Variants in SPON1 observed in about 807,000 individuals in gnomAD.
The protein encoded by SPON1 is spondin-1.
SPON1 carries 52 observed loss-of-function variants against 111.7 expected under a neutral mutation model. The ratio of observed to expected loss-of-function variants is 0.47; its 90% CI spans 0.37 to 0.59. The LOEUF (loss-of-function observed/expected upper bound fraction) is 0.59, where lower values mean the gene tolerates loss of function less well. Among genes scored for constraint, SPON1 ranks in the 20% least tolerant of loss-of-function variants. SPON1 has a pLI of 0.00. For missense variants in SPON1, 957 were observed against 1,068.5 expected (o/e 0.90, Z 1.46); for synonymous variants, 410 against 395.8 (o/e 1.04, Z -0.43).
At chr11:14,156,590 A>T (rs1383394064) in intron 6 of SPON1, among the ~76,000 whole-genome samples, 1 of 151,736 alleles carries the variant, frequency 6.6e-6, no homozygotes, top group Non-Finnish European at 1.5e-5. Context: ...CCTGAATGGT[A>T]TTGCCTAGGT....
intron 5 of SPON1, among the ~76,000 whole-genome samples, chr11:14,083,580 T>C (rs1046247654): frequency 6.6e-6 from 1 of 152,216 alleles, no homozygotes; most frequent in Middle Eastern, 3.2e-3. Flanking sequence ...TGTAACATCT[T>C]ACGTTGATCA....
chr11:14,176,763 AG>A (rs1848181606), intron 6 of SPON1, among the ~76,000 whole-genome samples: 1 of 152,178 alleles, frequency 6.6e-6, no homozygotes, highest in African/African-American at 2.4e-5. Context: ...CAAGAGAACT[AG>A]GCGACTGCTT....
At chr11:14,211,145 GA>G (rs1336253817) in intron 6 of SPON1, among the ~76,000 whole-genome samples, 4 of 152,090 alleles carry the variant, frequency 2.6e-5, no homozygotes, top group Admixed American at 2.0e-4. Flanking sequence ...TCAGGCAAGA[GA>G]AAGAAATAAA....
chr11:14,221,953 G>C (rs1554937645), intron 6 of SPON1, among the ~76,000 whole-genome samples: 1 of 152,122 alleles, frequency 6.6e-6, no homozygotes, highest in East Asian at 1.9e-4. Context: ...GTTGGCCCTG[G>C]GATCACTGTC....
At chr11:14,105,125 T>C (rs1341966662) in intron 5 of SPON1, among the ~76,000 whole-genome samples, 1 of 152,160 alleles carries the variant, frequency 6.6e-6, no homozygotes, top group Non-Finnish European at 1.5e-5. Context: ...ATTTTATTAA[T>C]GGTTACATTT....
At chr11:14,107,486 T>G (rs1849193800) in intron 5 of SPON1, among the ~76,000 whole-genome samples, 1 of 151,976 alleles carries the variant, frequency 6.6e-6, no homozygotes, top group Admixed American at 6.6e-5. Flanking sequence ...CTGAATTTTT[T>G]GGTAAACATT....
intron 3 of SPON1, among the ~76,000 whole-genome samples, chr11:14,051,000 C>A (rs1389619182): frequency 6.6e-6 from 1 of 152,154 alleles, no homozygotes; most frequent in African/African-American, 2.4e-5. Flanking sequence ...GCAGTGGGGG[C>A]AGAGATGGTC....
chr11:14,021,021 A>T (rs1211065293), intron 2 of SPON1, among the ~76,000 whole-genome samples: 1 of 152,202 alleles, frequency 6.6e-6, no homozygotes, highest in Non-Finnish European at 1.5e-5. Context: ...AAGATTGTTT[A>T]TAAGATGTTA....
intron 5 of SPON1, among the ~76,000 whole-genome samples, chr11:14,096,370 C>A (rs922080820): frequency 6.6e-6 from 1 of 152,198 alleles, no homozygotes; most frequent in Non-Finnish European, 1.5e-5. Context: ...CTTTTAGGTA[C>A]TTTGCACAGG....
intron 2 of SPON1, among the ~76,000 whole-genome samples, chr11:14,034,325 G>T (rs1848579178): frequency 1.3e-5 from 2 of 152,168 alleles, no homozygotes; most frequent in African/African-American, 4.8e-5. Context: ...ATCACAGATT[G>T]AAATGAATGA....
chr11:14,225,089 G>C (rs1848723004), intron 6 of SPON1, among the ~76,000 whole-genome samples: 1 of 152,112 alleles, frequency 6.6e-6, no homozygotes, highest in Admixed American at 6.5e-5. Flanking sequence ...CCTAAGCCAG[G>C]TCTGCTCACT....
intron 5 of SPON1, among the ~76,000 whole-genome samples, chr11:14,096,798 C>G (rs1564904524): frequency 6.6e-6 from 1 of 152,212 alleles, no homozygotes; most frequent in Non-Finnish European, 1.5e-5. Flanking sequence ...TCTTGCCCCA[C>G]TTGAGTATGC....
chr11:14,054,215 G>A (rs1170436041), intron 3 of SPON1, among the ~76,000 whole-genome samples: 1 of 152,180 alleles, frequency 6.6e-6, no homozygotes, highest in African/African-American at 2.4e-5. Context: ...CAGGAAAACA[G>A]AGGAGAAAAA....
intron 7 of SPON1, among the ~76,000 whole-genome samples, chr11:14,244,500 G>C (rs1407642448): frequency 6.7e-6 from 1 of 149,090 alleles, no homozygotes; most frequent in Non-Finnish European, 1.5e-5. Context: ...CCTGGTGACA[G>C]AGCAAGAATC....
At chr11:14,180,202 T>A (rs34064988) in intron 6 of SPON1, among the ~76,000 whole-genome samples, 6,812 of 152,290 alleles carry the variant, frequency 0.045, 240 homozygotes, top group Non-Finnish European at 0.068. Flanking sequence ...CAAACCAAGA[T>A]GAGTTAGTCA....
intron 6 of SPON1, among the ~76,000 whole-genome samples, chr11:14,160,620 T>C (rs1259403355): frequency 4.1e-5 from 1 of 24,176 alleles, no homozygotes; most frequent in Non-Finnish European, 7.3e-5. Flanking sequence ...TATATATTTA[T>C]ATATATATTT....
intron 1 of SPON1, among the ~76,000 whole-genome samples, chr11:13,967,953 C>A (rs553588985): frequency 6.6e-6 from 1 of 152,228 alleles, no homozygotes; most frequent in South Asian, 2.1e-4. Context: ...AAAAGCATAT[C>A]AAAATGGAAT....
At chr11:14,091,812 C>T (rs1482344037) in intron 5 of SPON1, among the ~76,000 whole-genome samples, 12 of 152,214 alleles carry the variant, frequency 7.9e-5, no homozygotes, top group East Asian at 3.9e-4. Flanking sequence ...CCTCAAATGC[C>T]GCCAAAGTAG....
chr11:13,963,766 C>A (rs1464241093), intron 1 of SPON1, among the ~76,000 whole-genome samples: 1 of 152,212 alleles, frequency 6.6e-6, no homozygotes, highest in African/African-American at 2.4e-5. Context: ...CCAAATTATT[C>A]TCTCGTGGTC....
Sources: gnomAD v4.1 joint callset for allele counts (sites outside exome capture counted in the v4.1 genomes callset) on GRCh38, gnomAD v4.1.1 for gene constraint, MANE v1.5 for transcripts, NCBI Gene and HGNC (gene_info 2026-07-23, HGNC 2026-07-21) for gene names.